Variants in EXTL1 observed in about 807,000 individuals in gnomAD.
EXTL1 encodes the protein exostosin-like 1.
Under a neutral mutation model 64.6 loss-of-function variants are expected in EXTL1, and 43 were observed. That is an observed-to-expected ratio of 0.67 (90% confidence interval 0.52 to 0.86). The LOEUF is 0.86. EXTL1 is among the 40% of genes least tolerant of loss of function. The pLI, the probability that EXTL1 is intolerant of heterozygous loss-of-function variation, is 0.00. For synonymous variants in EXTL1, 352 were observed against 360.5 expected (o/e 0.98, Z 0.27); for missense variants, 766 against 879.0 (o/e 0.87, Z 1.62).
In EXTL1 at chr1:26,035,286, T is replaced by C; in HGVS notation, c.1970T>C (p.Val657Ala). ...LLSSRLRLDP[V>A]LFKDPVSVQR... is the part of the protein sequence containing the mutation. ...TCCTCTCGTCTGCGTCTGGACCCGG[T>C]GCTGTTTAAGGACCCGGTGTCCGTG... The change falls in exon 11 of 11, where the codon GTG becomes GCG. Residue 657 changes from valine (V) to alanine (A), a missense_variant. Coordinates refer to ENST00000374280, the MANE Select transcript of EXTL1 (RefSeq NM_004455.3). The surrounding 1 kb of genome is among the most constrained non-coding windows in gnomAD (Gnocchi z 5.3). 6.2e-7 allele frequency: 1 copy of C among 1,613,494 alleles called. No individual in the cohort carries two copies. The highest frequency in any genetic ancestry group is 8.5e-7 in the Non-Finnish European group (1 of 1,179,882).
chr1:26,027,139 T>C (rs1471892677), intron 1 of EXTL1, among the ~76,000 whole-genome samples: 1 of 152,182 alleles, frequency 6.6e-6, no homozygotes, highest in Non-Finnish European at 1.5e-5. Flanking sequence ...TGCTAGGCCC[T>C]AGGGATACTG....
rs1040600982 is a variant in EXTL1, at chr1:26,034,475, G to A, written c.1680-361G>A. Reference sequence around the variant, plus strand: ...AGGGCCGTGTGAAGTGAGCTCACCCGGAGCGGTATCAGCCTGGTTCATCCA... The same window carrying A: ...AGGGCCGTGTGAAGTGAGCTCACCCAGAGCGGTATCAGCCTGGTTCATCCA... On this transcript the variant is annotated intron_variant, in intron 9 of 10. Coordinates refer to ENST00000374280, the MANE Select transcript of EXTL1 (RefSeq NM_004455.3). The surrounding 1 kb of genome is among the most constrained non-coding windows in gnomAD (Gnocchi z 4.6). 2.6e-5 allele frequency among the ~76,000 whole-genome samples: 4 copies of A among 152,204 alleles called. No individual in the cohort carries two copies. The highest frequency in any genetic ancestry group is 4.8e-5 in the African/African-American group (2 of 41,444).
chr1:26,029,486 C>T, intron 2 of EXTL1, 114 bp from the exon 3 acceptor site: 1 of 726,930 alleles, frequency 1.4e-6, no homozygotes, highest in South Asian at 1.7e-5. Context: ...ATCCCATGTT[C>T]CTGTCCTCTT....
chr1:26,023,517 G>T, intron 1 of EXTL1, 92 bp downstream of exon 1: 1 of 1,301,472 alleles, frequency 7.7e-7, no homozygotes, highest in Non-Finnish European at 1.0e-6. Context: ...ACTGAGATGG[G>T]AGAACCAGGT....
intron 1 of EXTL1, among the ~76,000 whole-genome samples, chr1:26,027,000 C>T (rs2050223661): frequency 6.6e-6 from 1 of 152,234 alleles, no homozygotes; most frequent in Non-Finnish European, 1.5e-5. Context: ...GCTCAACCAG[C>T]TCCATCACTA....
chr1:26,029,525 C>T (rs371481920), intron 2 of EXTL1, 75 bp from the exon 3 acceptor site: 104 of 890,908 alleles, frequency 1.2e-4, no homozygotes, highest in Non-Finnish European at 1.5e-4. Context: ...GCAGCAGCTA[C>T]TGACTTGGAA....
rs764685227 is a variant in EXTL1 at position 26,033,781 on chromosome 1, A to G, written c.1604A>G (p.His535Arg). ...LTSSHFWDEA[H>R]GGWGYTAERT... ...TCGAGCCATTTCTGGGACGAGGCCC[A>G]TGGTGGCTGGGGCTACACTGCTGAG... Residue 535 changes from histidine (H) to arginine (R), a missense_variant, in exon 9 of 11, where the codon CAT (histidine) becomes CGT (arginine). Physicochemically the swap from His to Arg is conservative, Grantham distance 29. This residue lies in a region of EXTL1 where 194 missense variants were observed against 214.5 expected (regional missense o/e 0.90). Coordinates refer to ENST00000374280, the MANE Select transcript of EXTL1 (RefSeq NM_004455.3). The surrounding 1 kb of genome is among the most constrained non-coding windows in gnomAD (Gnocchi z 5.1). 5 of 1,614,096 alleles carry G rather than the reference A, an allele frequency of 3.1e-6. No homozygotes were observed. Among genetic ancestry groups the G allele is most frequent in the East Asian group, 2.2e-5 (1 of 44,894 alleles).
In EXTL1 at chr1:26,034,747, C is replaced by T; in HGVS notation, c.1680-89C>T. ...GGCTCAGAGGCTTGGGGATGGGGGT[C>T]AAAGGGAGAGGTGAGGTCAGGAGGG... is the stretch of plus-strand genomic sequence containing the variant. On this transcript the variant is annotated intron_variant, in intron 9 of 10. Transcript: ENST00000374280. This position sits in a 1 kb window ranked among gnomAD's most constrained non-coding sequence, Gnocchi z 4.6. 3 of 1,369,086 alleles carry T rather than the reference C, an allele frequency of 2.2e-6. No individual in the cohort carries two copies. The highest frequency in any genetic ancestry group is 3.0e-6 in the Non-Finnish European group (3 of 985,334). 84.8% of individuals were successfully genotyped at this position (1,369,086 alleles called of 1,614,324 possible).
In EXTL1 at chr1:26,034,696, G is replaced by C. The variant is rs2050320142; in HGVS notation, c.1680-140G>C. 3 of 788,260 alleles carry C rather than the reference G, an allele frequency of 3.8e-6. No homozygotes were observed. The highest frequency in any genetic ancestry group is 3.5e-5 in the African/African-American group (2 of 57,910). 48.8% of individuals were successfully genotyped at this position (788,260 alleles called of 1,614,324 possible). On this transcript the variant is annotated intron_variant, in intron 9 of 10. Coordinates refer to ENST00000374280, the MANE Select transcript of EXTL1 (RefSeq NM_004455.3). This position sits in a 1 kb window ranked among gnomAD's most constrained non-coding sequence, Gnocchi z 4.6. ...CACAATGGAGAGCTGTTCACGCCAG[G>C]GATGGGAGCTCTCTGAGGCAGCCAG...
rs1236586091 is a variant in EXTL1, at chr1:26,032,495, G to A, written c.1431+10G>A. ...TGATGGGCACAGGAAGGTAAGGGAT[G>A]AGGAGAGCCATGAAAGGGGTGGGCC... On this transcript the variant is annotated intron_variant, in intron 7 of 10. Coordinates refer to ENST00000374280, the MANE Select transcript of EXTL1 (RefSeq NM_004455.3). The A allele has an allele frequency of 2.6e-6, 4 of 1,547,964 alleles. No individual in the cohort carries two copies. Among genetic ancestry groups the A allele is most frequent in the East Asian group, 2.4e-5 (1 of 40,836 alleles).
chr1:26,035,463 G>A lies in EXTL1; in HGVS notation c.*116G>A. 4.0e-6 allele frequency: 4 copies of A among 988,008 alleles called. No homozygotes were observed. The highest frequency in any genetic ancestry group is 5.8e-6 in the Non-Finnish European group (4 of 686,930). The allele number at this position is 988,008 out of a possible 1,614,324, so 61.2% of individuals were successfully genotyped here. On this transcript the variant is annotated 3_prime_UTR_variant, in exon 11 of 11. Transcript: ENST00000374280. This position sits in a 1 kb window ranked among gnomAD's most constrained non-coding sequence, Gnocchi z 5.3. The stretch of plus-strand genomic sequence containing the variant: ...GAGAACCTATCATGTCAGCCAGCGG[G>A]CCCACACGTCGGACCCCGGTTGGCC...
rs2050308963 is a variant in EXTL1, at chr1:26,033,446, C to G, written c.1518+131C>G. On this transcript the variant is annotated intron_variant, in intron 8 of 10. Coordinates refer to ENST00000374280, the MANE Select transcript of EXTL1 (RefSeq NM_004455.3). This position sits in a 1 kb window ranked among gnomAD's most constrained non-coding sequence, Gnocchi z 5.1. ...CCAGCCTCTTGCATTTGAAACCACC[C>G]CAGCAAGCCAGGCAGCCTCCTCTTT... 1.2e-6 allele frequency: 1 copy of G among 802,648 alleles called. No individual in the cohort carries two copies. The allele number at this position is 802,648 out of a possible 1,614,324, so 49.7% of individuals were successfully genotyped here.
Position 26,035,282 on chromosome 1 carries a change from C to T in EXTL1, c.1966C>T (p.Pro656Ser). The T allele has an allele frequency of 1.9e-6, 3 of 1,613,622 alleles. No individual in the cohort carries two copies. The highest frequency in any genetic ancestry group is 2.5e-6 in the Non-Finnish European group (3 of 1,179,930). The stretch of plus-strand genomic sequence containing the variant: ...GCTGTCCTCTCGTCTGCGTCTGGAC[C>T]CGGTGCTGTTTAAGGACCCGGTGTC... The part of the protein sequence containing the change: ...PLLSSRLRLD[P>S]VLFKDPVSVQ... Residue 656 changes from proline (P) to serine (S), a missense_variant, in exon 11 of 11, where the codon CCG (proline) becomes TCG (serine). Transcript: ENST00000374280. This position sits in a 1 kb window ranked among gnomAD's most constrained non-coding sequence, Gnocchi z 5.3.
chr1:26,023,128 TCCTCCGTCTC>T lies in EXTL1; in HGVS notation c.484_493del (p.Leu162ThrfsTer60). The T allele has an allele frequency of 6.2e-7, 1 of 1,613,930 alleles. No individual in the cohort carries two copies. Among genetic ancestry groups the T allele is most frequent in the Non-Finnish European group, 8.5e-7 (1 of 1,179,982 alleles). ...TGGAACAGGGGCAGGAACCATCTGG[TCCTCCGTCTC>T]CACCCGGCTCCCTGCCCCAGGACCT... On this transcript the variant is annotated frameshift_variant, in exon 1 of 11. Coordinates refer to ENST00000374280, the MANE Select transcript of EXTL1 (RefSeq NM_004455.3). LOFTEE classifies it high-confidence loss of function.
chr1:26,024,502 A>C (rs2050193592), intron 1 of EXTL1, among the ~76,000 whole-genome samples: 1 of 151,918 alleles, frequency 6.6e-6, no homozygotes, highest in Non-Finnish European at 1.5e-5. Context: ...GGCTCCCGGG[A>C]CTTCTCTCGG....
chr1:26,032,364 C>T, intron 6 of EXTL1, 32 bp from the exon 7 acceptor site: 1 of 1,501,932 alleles, frequency 6.7e-7, no homozygotes, highest in Non-Finnish European at 9.1e-7. Flanking sequence ...GCCCCAGATC[C>T]CAGACTTCAA....
chr1:26,023,287 A>G lies in EXTL1; in HGVS notation c.641A>G (p.Gln214Arg), dbSNP rs1375471146. ...CCGTTGCGAGGTGGGGCTCCTGGCC[A>G]GCTGCGGCAACACAGCCCCCAGCCC... ...AHPLRGGAPG[Q>R]LRQHSPQPGV... Residue 214 changes from glutamine to arginine, a missense_variant, in exon 1 of 11, where the codon CAG becomes CGG. Transcript: ENST00000374280. 1.9e-6 allele frequency: 3 copies of G among 1,573,800 alleles called. No homozygotes were observed. Among genetic ancestry groups the G allele is most frequent in the Non-Finnish European group, 2.6e-6 (3 of 1,156,204 alleles).
At position 26,034,372 on chromosome 1, in the gene EXTL1, T is replaced by G. The variant is rs1212367794; in HGVS notation, c.1680-464T>G. Among the ~76,000 whole-genome samples, 1 of 152,156 alleles carries G rather than the reference T, an allele frequency of 6.6e-6. No homozygotes were observed. Among genetic ancestry groups the G allele is most frequent in the East Asian group, 1.9e-4 (1 of 5,196 alleles). ...TGCATAACGTGGAACCTCTTATAGA[T>G]TACTCAGGAGCTCTGCAGGGAATTC... On this transcript the variant is annotated intron_variant, in intron 9 of 10. Transcript: ENST00000374280. The surrounding 1 kb of genome is among the most constrained non-coding windows in gnomAD (Gnocchi z 4.6).
At chr1:26,031,644 A>AC in intron 6 of EXTL1, 78 bp downstream of exon 6, 2 of 811,198 alleles carry the variant, frequency 2.5e-6, no homozygotes, top group Non-Finnish European at 3.6e-6. Context: ...TGACTTCCAG[A>AC]CCCCAAAGAT....
Sources: allele counts gnomAD v4.1 joint callset (sites outside exome capture counted in the v4.1 genomes callset), GRCh38; gene constraint gnomAD v4.1.1; regional missense constraint gnomAD v4.1.1; non-coding constraint Gnocchi (gnomAD v3.1); transcripts MANE v1.5; gene names NCBI Gene and HGNC (gene_info 2026-07-23, HGNC 2026-07-21).